The following ZNF587 variants were observed in gnomAD, a reference collection of about 807,000 sequenced individuals.
ZNF587 encodes the protein zinc finger protein 587.
In ZNF587, 8 loss-of-function variants were observed where a neutral mutation model predicts 7.5. The ratio of observed to expected loss-of-function variants is 1.06; its 90% CI spans 0.62 to 1.92. The LOEUF is 1.92. Ranked by LOEUF, ZNF587 falls within the 40% of genes most tolerant of loss-of-function variation. The probability of loss-of-function intolerance (pLI) is 0.00; values close to 1 mark genes in which losing one functional copy is unlikely to be tolerated. For synonymous variants in ZNF587, 145 were observed against 237.8 expected (o/e 0.61, Z 3.59); for missense variants, 468 against 692.8 (o/e 0.68, Z 3.64).
In ZNF587 at chr19:57,859,377, G is replaced by A. The variant is rs768305661; in HGVS notation, c.965G>A (p.Gly322Glu). 1 of 1,609,610 alleles carries A rather than the reference G, an allele frequency of 6.2e-7. No homozygotes were observed. Among genetic ancestry groups the A allele is most frequent in the African/African-American group, 1.4e-5 (1 of 71,198 alleles). Residue 322 changes from glycine to glutamate, a missense_variant, in exon 3 of 3, where the codon GGG (glycine) becomes GAG (glutamate). Transcript: ENST00000339656. ...CATCAGCTTGTTCACACTGGAGAAG[G>A]GCCTTATGAGTGTAGAGAATGTGGG... is the stretch of plus-strand genomic sequence containing the variant. ...ISHQLVHTGEGPYECRECGKS... is the reference protein window; with the variant it reads ...ISHQLVHTGEEPYECRECGKS...
intron 2 of ZNF587, 55 bp from the exon 3 acceptor site, chr19:57,858,521 C>A: frequency 2.6e-6 from 4 of 1,566,162 alleles, no homozygotes; most frequent in Non-Finnish European, 3.5e-6. Context: ...TGTGGGTGGG[C>A]TGTGCCTTCC....
At chr19:57,853,623 T>G (rs969551775) in intron 1 of ZNF587, among the ~76,000 whole-genome samples, 7 of 152,092 alleles carry the variant, frequency 4.6e-5, no homozygotes, top group East Asian at 3.9e-4. Context: ...GGACATTTAA[T>G]ACAGTAGAGT....
At position 57,863,548 on chromosome 19, in the gene ZNF587, C is replaced by T. The variant is rs983913905; in HGVS notation, c.*3408C>T. On this transcript the variant is annotated 3_prime_UTR_variant, in exon 3 of 3. Coordinates refer to ENST00000339656, the MANE Select transcript of ZNF587 (RefSeq NM_032828.4). ...ATAGGCGTGAGCCAACACGCCCTGG[C>T]CACTTCTTGTCTTTGCAACATTTTT... is the stretch of plus-strand genomic sequence containing the variant. 1.3e-5 allele frequency: 2 copies of T among 152,278 alleles called. No individual in the cohort carries two copies. Among genetic ancestry groups the T allele is most frequent in the Non-Finnish European group, 2.9e-5 (2 of 68,028 alleles). 9.4% of individuals were successfully genotyped at this position (152,278 alleles called of 1,614,324 possible).
chr19:57,860,323 C>A lies in ZNF587; in HGVS notation c.*183C>A. 2.5e-6 allele frequency: 3 copies of A among 1,193,892 alleles called. No homozygotes were observed. The highest frequency in any genetic ancestry group is 2.4e-6 in the Non-Finnish European group (2 of 849,920). The allele number at this position is 1,193,892 out of a possible 1,614,324, so 74.0% of individuals were successfully genotyped here. ...TTGTTCTGTCACCCAGGCTGGAGTG[C>A]AGTGGTGCAGTCTTGGCTCGCTGCA... On this transcript the variant is annotated 3_prime_UTR_variant, in exon 3 of 3. Transcript: ENST00000339656.
intron 1 of ZNF587, chr19:57,851,022 T>C (rs111449124): frequency 0.021 from 3,150 of 152,970 alleles, 49 homozygotes; most frequent in Non-Finnish European, 0.027. Flanking sequence ...GAGCAACCCA[T>C]GGAATGCTGC....
At chr19:57,855,968 AG>A in intron 1 of ZNF587, 135 bp from the exon 2 acceptor site, 1 of 1,451,260 alleles carries the variant, frequency 6.9e-7, no homozygotes, top group Admixed American at 2.3e-5. Context: ...GAAGAGACAA[AG>A]GCACCAGTGG....
chr19:57,858,817 T>TAGG lies in ZNF587; in HGVS notation c.405_406insAGG (p.Leu135_His136insArg). ...AAAACTTGGATGACACTGCATACCT[T>TAGG]CATCAGCACCAGAAGCAGCATATTG... is the stretch of plus-strand genomic sequence containing the variant. On this transcript the variant is annotated inframe_insertion, in exon 3 of 3. Transcript: ENST00000339656. 4 of 1,605,474 alleles carry TAGG rather than the reference T, an allele frequency of 2.5e-6. No homozygotes were observed. Among genetic ancestry groups the TAGG allele is most frequent in the Non-Finnish European group, 3.4e-6 (4 of 1,176,202 alleles).
At chr19:57,857,604 GTGTGTATGTGTATATATATATA>G (rs2071376574) in intron 2 of ZNF587, among the ~76,000 whole-genome samples, 1 of 149,074 alleles carries the variant, frequency 6.7e-6, no homozygotes, top group African/African-American at 2.6e-5. Context: ...GTATATATAT[GTGTGTATGTGTATATATATATA>G]TGTGTGTGTG....
Position 57,860,683 on chromosome 19 carries a change from G to T in ZNF587, c.*543G>T, listed in dbSNP as rs1272593396. 6.3e-6 allele frequency: 1 copy of T among 159,546 alleles called. No homozygotes were observed. The highest frequency in any genetic ancestry group is 1.4e-5 in the Non-Finnish European group (1 of 72,330). 9.9% of individuals were successfully genotyped at this position (159,546 alleles called of 1,614,324 possible). Reference sequence around the variant, plus strand: ...GGTTCATTGGAGGCCAGGAGTTAGAGATCAGCCTGGGCAACATAGCCAGAC... The same window carrying T: ...GGTTCATTGGAGGCCAGGAGTTAGATATCAGCCTGGGCAACATAGCCAGAC... On this transcript the variant is annotated 3_prime_UTR_variant, in exon 3 of 3. Transcript: ENST00000339656.
At chr19:57,857,507 T>G (rs549584769) in intron 2 of ZNF587, among the ~76,000 whole-genome samples, 2 of 152,036 alleles carry the variant, frequency 1.3e-5, no homozygotes, top group Non-Finnish European at 2.9e-5. Context: ...AGGAAGTGTA[T>G]GCCCATGGTT....
chr19:57,858,277 C>A (rs981019172), intron 2 of ZNF587: 1 of 401,014 alleles, frequency 2.5e-6, no homozygotes, highest in Non-Finnish European at 4.4e-6. Flanking sequence ...CAGGTGTCCA[C>A]AACCACATCC....
chr19:57,858,239 G>A (rs1418811962), intron 2 of ZNF587: 2 of 303,776 alleles, frequency 6.6e-6, no homozygotes, highest in South Asian at 6.8e-5. Flanking sequence ...TGATTCTCCT[G>A]CTTTAGCCTC....
At chr19:57,855,852 C>T in intron 1 of ZNF587, 1 of 504,298 alleles carries the variant, frequency 2.0e-6, no homozygotes, top group Admixed American at 3.9e-5. Flanking sequence ...TGAGCCACCG[C>T]ACCCAGCCCA....
chr19:57,856,979 T>A (rs923501993), intron 2 of ZNF587: 37 of 151,924 alleles, frequency 2.4e-4, no homozygotes, highest in African/African-American at 8.0e-4. Flanking sequence ...AGACTCTTCT[T>A]GCAAGACCCT....
intron 1 of ZNF587, 48 bp from the exon 2 acceptor site, chr19:57,856,056 G>A: frequency 6.2e-7 from 1 of 1,609,546 alleles, no homozygotes; most frequent in Non-Finnish European, 8.5e-7. Flanking sequence ...GTGGGTTGTG[G>A]TACCTCAGCA....
intron 2 of ZNF587, chr19:57,858,329 G>C: frequency 1.6e-6 from 1 of 614,490 alleles, no homozygotes; most frequent in Non-Finnish European, 2.6e-6. Context: ...GTTTCACCAT[G>C]TTGTTCATGC....
intron 1 of ZNF587, among the ~76,000 whole-genome samples, chr19:57,854,669 CAG>C (rs2071328337): frequency 6.6e-6 from 1 of 151,798 alleles, no homozygotes; most frequent in East Asian, 1.9e-4. Context: ...TCCCTACCAG[CAG>C]AGTTATGGAA....
rs376958598 is a variant in ZNF587 at position 57,858,710 on chromosome 19, A to G, written c.298A>G (p.Ile100Val). The change falls in exon 3 of 3, where the codon ATC becomes GTC. Residue 100 changes from isoleucine to valine, a missense_variant. Physicochemically the swap from Ile to Val is conservative, Grantham distance 29. Around this residue, in one of 5 missense-constraint regions of ZNF587, gnomAD observed 23 missense variants for 66.2 expected, o/e 0.35. Coordinates refer to ENST00000339656, the MANE Select transcript of ZNF587 (RefSeq NM_032828.4). ...KAHPCEMCGL[I>V]LEDVFHFADH... ...TCACCCCTGTGAAATGTGTGGCCTC[A>G]TCTTGGAGGATGTTTTTCACTTTGC... The G allele has an allele frequency of 6.0e-4, 958 of 1,599,736 alleles. 6 individuals carry two copies. Among genetic ancestry groups the G allele is most frequent in the South Asian group, 2.2e-4 (20 of 90,348 alleles).
rs1258658090 is a variant in ZNF587 at position 57,862,563 on chromosome 19, T to C, written c.*2423T>C. 6.5e-6 allele frequency: 1 copy of C among 154,814 alleles called. No homozygotes were observed. Among genetic ancestry groups the C allele is most frequent in the East Asian group, 1.9e-4 (1 of 5,208 alleles). The allele number at this position is 154,814 out of a possible 1,614,324, so 9.6% of individuals were successfully genotyped here. A position where few individuals can be genotyped will look rare whatever the true frequency, so the allele number is the denominator to read the frequency against. ...TTTCTGCTGAAATGGCAGTTTCTTC[T>C]CAGCAAGGTGAGATTATGGAATCCA... On this transcript the variant is annotated 3_prime_UTR_variant, in exon 3 of 3. Coordinates refer to ENST00000339656, the MANE Select transcript of ZNF587 (RefSeq NM_032828.4).
Sources: gnomAD v4.1 joint callset for allele counts (sites outside exome capture counted in the v4.1 genomes callset) on GRCh38, gnomAD v4.1.1 for gene constraint, gnomAD v4.1.1 regional missense constraint, MANE v1.5 for transcripts, NCBI Gene and HGNC (gene_info 2026-07-23, HGNC 2026-07-21) for gene names.